SYCP2L: variants seen among roughly 807,000 people sequenced by gnomAD.
SYCP2L encodes synaptonemal complex protein 2-like.
In SYCP2L, 98 loss-of-function variants were observed where a neutral mutation model predicts 125.8. That is an observed-to-expected ratio of 0.78 (90% CI 0.66 to 0.92). The LOEUF (loss-of-function observed/expected upper bound fraction) is 0.92. Ranked by LOEUF, SYCP2L falls within the 40% of genes least tolerant of loss-of-function variation. The pLI, the probability that SYCP2L is intolerant of heterozygous loss-of-function variation, is 0.00. For synonymous variants in SYCP2L, 317 were observed against 325.4 expected, an observed-to-expected ratio of 0.97 and a Z score of 0.28; for missense variants, 842 against 936.4, an observed-to-expected ratio of 0.90 and a Z score of 1.32.
chr6:10,902,673 T>G lies in SYCP2L; in HGVS notation c.467-4T>G. 1 of 1,612,480 alleles carries G rather than the reference T, an allele frequency of 6.2e-7. No individual in the cohort carries two copies. The highest frequency in any genetic ancestry group is 8.5e-7 in the Non-Finnish European group (1 of 1,178,860). On this transcript the variant is annotated splice_polypyrimidine_tract_variant and splice_region_variant and intron_variant, in intron 6 of 29. Coordinates refer to ENST00000283141, the MANE Select transcript of SYCP2L (RefSeq NM_001040274.3). ...AATTTGATGCTTTGAAATTATACTT[T>G]CAGGGAAAATTCAGATGTTGGATTC...
At chr6:10,893,093 C>T (rs1475292510) in intron 2 of SYCP2L, among the ~76,000 whole-genome samples, 2 of 151,230 alleles carry the variant, frequency 1.3e-5, no homozygotes, top group African/African-American at 2.4e-5. Flanking sequence ...CCGCAACCTC[C>T]GTCCTAGGTT....
At chr6:10,956,028 T>G (rs1343386600) in intron 24 of SYCP2L, 108 bp from the exon 25 acceptor site, 1 of 855,736 alleles carries the variant, frequency 1.2e-6, no homozygotes, top group African/African-American at 1.7e-5. Flanking sequence ...CTTCCATGGT[T>G]CGCATCTGTG....
chr6:10,903,618 G>A lies in SYCP2L; in HGVS notation c.641+655G>A, dbSNP rs1029548342. On this transcript the variant is annotated intron_variant, in intron 8 of 29. Transcript: ENST00000283141. ...TACAAAAAATTAGCTGGGCTTGGTG[G>A]CACACACCTATAGTCCCAGCTATTC... is the stretch of plus-strand genomic sequence containing the variant. Among the ~76,000 whole-genome samples, 7 of 152,010 alleles carry A rather than the reference G, an allele frequency of 4.6e-5. No individual in the cohort carries two copies. The South Asian group carries it at 1.5e-3, about 32-fold the overall frequency.
intron 14 of SYCP2L, among the ~76,000 whole-genome samples, chr6:10,913,312 CTG>C (rs1466497726): frequency 8.5e-5 from 13 of 152,132 alleles, no homozygotes; most frequent in Admixed American, 8.5e-4. Context: ...AGGTAGTAAA[CTG>C]TGGTTAGTAA....
intron 29 of SYCP2L, among the ~76,000 whole-genome samples, chr6:10,966,387 C>T (rs59578052): frequency 0.26 from 39,062 of 151,976 alleles, 5,438 homozygotes; most frequent in East Asian, 0.42. Flanking sequence ...AAAATAGTAG[C>T]GATTAGTTAC....
At chr6:10,911,183 G>T (rs944958018) in intron 12 of SYCP2L, among the ~76,000 whole-genome samples, 1 of 152,134 alleles carries the variant, frequency 6.6e-6, no homozygotes, top group African/African-American at 2.4e-5. Flanking sequence ...TTCATGCCTA[G>T]ACTGGGGTAA....
In SYCP2L at chr6:10,912,332, A is replaced by G. The variant is rs1218050426; in HGVS notation, c.919-341A>G. On this transcript the variant is annotated intron_variant, in intron 12 of 29. Transcript: ENST00000283141. This position sits in a 1 kb window ranked among gnomAD's most constrained non-coding sequence, Gnocchi z 4.1. ...TCTCCTTCTCCAGAAGTTTCCATCC[A>G]TATGCAGTGTGGCTTGTTACTGATT... Among the ~76,000 whole-genome samples the G allele has an allele frequency of 1.3e-5, 2 of 152,150 alleles. No individual in the cohort carries two copies. Among genetic ancestry groups the G allele is most frequent in the Non-Finnish European group, 2.9e-5 (2 of 68,016 alleles).
rs992150425 is a variant in SYCP2L, at chr6:10,897,403, C to T, written c.337-608C>T. Among the ~76,000 whole-genome samples, 19 of 131,874 alleles carry T rather than the reference C, an allele frequency of 1.4e-4. 1 individual carries two copies. The highest frequency in any genetic ancestry group is 2.3e-4 in the Non-Finnish European group (15 of 64,286). 86.5% of individuals were successfully genotyped at this position (131,874 alleles called of 152,430 possible). ...TTTCCACCTGTGCTGGGGAGGCTCACTTATCTCTTTTTTTTTTTTTTTTGG... is the reference window on the plus strand; with the variant it reads ...TTTCCACCTGTGCTGGGGAGGCTCATTTATCTCTTTTTTTTTTTTTTTTGG... On this transcript the variant is annotated intron_variant, in intron 4 of 29. Transcript: ENST00000283141.
intron 1 of SYCP2L, among the ~76,000 whole-genome samples, chr6:10,889,151 C>T (rs554801537): frequency 1.3e-5 from 2 of 152,172 alleles, no homozygotes; most frequent in East Asian, 1.9e-4. Flanking sequence ...TGAGCCACTG[C>T]GCCTGGCCTA....
intron 14 of SYCP2L, among the ~76,000 whole-genome samples, chr6:10,918,790 T>C (rs1461412441): frequency 6.6e-6 from 1 of 152,186 alleles, no homozygotes; most frequent in Non-Finnish European, 1.5e-5. Flanking sequence ...CACCTTGGCC[T>C]CCCAAAGTGC....
At chr6:10,919,122 A>G (rs368818622) in intron 14 of SYCP2L, among the ~76,000 whole-genome samples, 8 of 152,072 alleles carry the variant, frequency 5.3e-5, no homozygotes, top group South Asian at 2.1e-4. Flanking sequence ...GTGAGCTAGT[A>G]TGATTTTTGG....
intron 1 of SYCP2L, among the ~76,000 whole-genome samples, chr6:10,889,462 A>G (rs372698310): frequency 3.9e-5 from 6 of 152,298 alleles, no homozygotes; most frequent in African/African-American, 1.4e-4. Context: ...AAAATATACA[A>G]TAAGTTGTAC....
chr6:10,921,338 C>T (rs1780797924), intron 14 of SYCP2L, among the ~76,000 whole-genome samples: 1 of 152,094 alleles, frequency 6.6e-6, no homozygotes, highest in Non-Finnish European at 1.5e-5. Flanking sequence ...CTGCAATGAA[C>T]ATAGGTGTGC....
intron 23 of SYCP2L, among the ~76,000 whole-genome samples, chr6:10,947,572 G>C (rs565343816): frequency 6.6e-6 from 1 of 152,086 alleles, no homozygotes; most frequent in Admixed American, 6.5e-5. Flanking sequence ...AAAGTAGAGC[G>C]ATACTGTTAA....
intron 16 of SYCP2L, 96 bp from the exon 17 acceptor site, chr6:10,927,144 T>C: frequency 6.5e-7 from 1 of 1,532,898 alleles, no homozygotes; most frequent in Non-Finnish European, 8.8e-7. Context: ...TACCAAAGGA[T>C]GGAGAGGTAC....
intron 8 of SYCP2L, among the ~76,000 whole-genome samples, chr6:10,904,287 AAAC>A (rs1165412557): frequency 1.3e-5 from 2 of 152,170 alleles, no homozygotes; most frequent in Non-Finnish European, 2.9e-5. Context: ...GTGACCATAC[AAAC>A]AACAAAACCA....
intron 19 of SYCP2L, among the ~76,000 whole-genome samples, chr6:10,930,794 T>A (rs550048312): frequency 9.2e-5 from 14 of 152,298 alleles, no homozygotes; most frequent in Middle Eastern, 3.4e-3. Context: ...GGAAAATCTT[T>A]AAGGAAGAGG....
At chr6:10,957,727 G>GA (rs1377503287) in intron 25 of SYCP2L, among the ~76,000 whole-genome samples, 5 of 152,216 alleles carry the variant, frequency 3.3e-5, no homozygotes, top group African/African-American at 1.2e-4. Flanking sequence ...TGAGGTAAGA[G>GA]AATCCCTTGA....
chr6:10,972,486 G>T (rs573985808), intron 29 of SYCP2L, among the ~76,000 whole-genome samples: 5 of 152,310 alleles, frequency 3.3e-5, no homozygotes, highest in South Asian at 4.1e-4. Flanking sequence ...TCCAGGGCTG[G>T]TGGTACAGCA....
Sources: gnomAD v4.1 joint callset for allele counts (sites outside exome capture counted in the v4.1 genomes callset) on GRCh38, gnomAD v4.1.1 for gene constraint, Gnocchi (gnomAD v3.1) non-coding constraint, MANE v1.5 for transcripts, NCBI Gene and HGNC (gene_info 2026-07-23, HGNC 2026-07-21) for gene names.